Variants in MYPN observed in about 807,000 individuals in gnomAD.
MYPN encodes the protein myopalladin.
A neutral mutation model predicts 129.4 loss-of-function variants in MYPN; 63 were observed. The ratio of observed to expected loss-of-function variants is 0.49; its 90% confidence interval spans 0.40 to 0.60. The LOEUF is 0.60. Ranked by LOEUF, MYPN falls within the 20% of genes least tolerant of loss-of-function variation. The pLI, the probability that MYPN is intolerant of heterozygous loss-of-function variation, is 0.00. For synonymous variants in MYPN, 629 were observed against 600.9 expected, an observed-to-expected ratio of 1.05 and a Z score of -0.68; for missense variants, 1,596 against 1,635.4, an observed-to-expected ratio of 0.98 and a Z score of 0.42.
In MYPN at chr10:68,143,005, T is replaced by C; in HGVS notation, c.968T>C (p.Leu323Pro). 6.2e-7 allele frequency: 1 copy of C among 1,614,182 alleles called. No homozygotes were observed. Among genetic ancestry groups the C allele is most frequent in the Non-Finnish European group, 8.5e-7 (1 of 1,180,014 alleles). ...PDIHIVQAGN[L>P]HSLTIAEAFE... ...ATTCACATCGTCCAGGCAGGAAATCTGCACTCACTGACCATTGCGGAAGCC... is the reference window on the plus strand; with the variant it reads ...ATTCACATCGTCCAGGCAGGAAATCCGCACTCACTGACCATTGCGGAAGCC... Residue 323 changes from leucine to proline, a missense_variant, in exon 3 of 20, where the codon CTG becomes CCG. Leu to Pro is a moderately conservative substitution (Grantham distance 98). Transcript: ENST00000358913.
chr10:68,136,781 T>C, intron 2 of MYPN: 1 of 1,493,724 alleles, frequency 6.7e-7, no homozygotes, highest in Non-Finnish European at 9.0e-7. Flanking sequence ...CTATAATGTT[T>C]GTATAATGGA....
intron 12 of MYPN, among the ~76,000 whole-genome samples, chr10:68,182,462 T>A (rs1291627825): frequency 2.2e-5 from 2 of 91,960 alleles, no homozygotes; most frequent in East Asian, 5.2e-4. Context: ...CATATATATA[T>A]AACATATATA....
intron 17 of MYPN, 132 bp downstream of exon 17, chr10:68,199,707 A>G (rs1284074467): frequency 6.7e-6 from 6 of 891,798 alleles, no homozygotes; most frequent in Middle Eastern, 4.8e-4. Flanking sequence ...TCACTGTGGT[A>G]GGGGTGGTAT....
At chr10:68,154,489 G>A (rs1300704310) in intron 6 of MYPN, among the ~76,000 whole-genome samples, 3 of 152,188 alleles carry the variant, frequency 2.0e-5, no homozygotes, top group African/African-American at 4.8e-5. Context: ...GAGTTCATGG[G>A]CCCCTCTCCC....
intron 1 of MYPN, among the ~76,000 whole-genome samples, chr10:68,094,872 G>A (rs908361984): frequency 1.3e-5 from 2 of 152,062 alleles, no homozygotes; most frequent in Non-Finnish European, 2.9e-5. Flanking sequence ...GACCAGTCTG[G>A]CCAACATAGT....
intron 1 of MYPN, among the ~76,000 whole-genome samples, chr10:68,110,355 C>T (rs929416059): frequency 1.3e-5 from 2 of 152,058 alleles, no homozygotes; most frequent in African/African-American, 2.4e-5. Context: ...TGGTACATTG[C>T]ACTATTAGCA....
intron 12 of MYPN, among the ~76,000 whole-genome samples, chr10:68,182,741 CAG>C (rs2043358020): frequency 6.6e-6 from 1 of 151,998 alleles, no homozygotes; most frequent in Admixed American, 6.6e-5. Flanking sequence ...CTCCTGACCT[CAG>C]GTGATCCACC....
At chr10:68,162,400 T>G (rs773601971) in intron 8 of MYPN, among the ~76,000 whole-genome samples, 4 of 152,210 alleles carry the variant, frequency 2.6e-5, no homozygotes, top group Non-Finnish European at 4.4e-5. Context: ...CAATTTCATT[T>G]CCATAGCCTA....
upstream of MYPN, among the ~76,000 whole-genome samples, chr10:68,103,177 T>C (rs1175394017): frequency 2.6e-5 from 4 of 152,230 alleles, no homozygotes; most frequent in Admixed American, 6.5e-5. Flanking sequence ...TAGATTCATA[T>C]GCAAATAAAA....
intron 6 of MYPN, among the ~76,000 whole-genome samples, chr10:68,155,319 G>A (rs1310769998): frequency 7.2e-5 from 11 of 152,132 alleles, no homozygotes; most frequent in Non-Finnish European, 8.8e-5. Context: ...ATGTCAAATG[G>A]CCATGGAAGA....
intron 12 of MYPN, among the ~76,000 whole-genome samples, chr10:68,184,863 G>A (rs2043395419): frequency 6.6e-6 from 1 of 152,156 alleles, no homozygotes; most frequent in Non-Finnish European, 1.5e-5. Context: ...AGTGGGGGCT[G>A]GAAATGGGAG....
At chr10:68,175,716 A>T (rs2043218068) in intron 12 of MYPN, among the ~76,000 whole-genome samples, 1 of 152,164 alleles carries the variant, frequency 6.6e-6, no homozygotes, top group Non-Finnish European at 1.5e-5. Flanking sequence ...AGAAGAGAGT[A>T]GACAATCTAT....
At chr10:68,204,350 C>T (rs988377475) in intron 18 of MYPN, among the ~76,000 whole-genome samples, 1 of 152,228 alleles carries the variant, frequency 6.6e-6, no homozygotes, top group African/African-American at 2.4e-5. Flanking sequence ...ACAGCAATAG[C>T]ACCCTAATGT....
chr10:68,156,420 C>T (rs1371728075), intron 6 of MYPN, among the ~76,000 whole-genome samples: 1 of 152,094 alleles, frequency 6.6e-6, no homozygotes, highest in Non-Finnish European at 1.5e-5. Context: ...GTAGATGTTT[C>T]GGGAAGACAA....
At chr10:68,171,882 T>A (rs763218042) in intron 10 of MYPN, among the ~76,000 whole-genome samples, 1 of 152,230 alleles carries the variant, frequency 6.6e-6, no homozygotes, top group Non-Finnish European at 1.5e-5. Context: ...TCAAAGCCAG[T>A]GAACTGGCTC....
Position 68,208,096 on chromosome 10 carries a change from T to A in MYPN, c.3793+1193T>A, listed in dbSNP as rs2043846637. On this transcript the variant is annotated intron_variant, in intron 19 of 19. Transcript: ENST00000358913. Reference sequence around the variant, plus strand: ...ATTTATGTATTTGTGTGCTCAATCCTACACTTTTTGACATTAACTGGTATT... The same window carrying A: ...ATTTATGTATTTGTGTGCTCAATCCAACACTTTTTGACATTAACTGGTATT... Among the ~76,000 whole-genome samples the A allele has an allele frequency of 2.0e-5, 3 of 152,384 alleles. 1 individual carries two copies. The South Asian group carries it at 6.2e-4, about 32-fold the overall frequency.
At chr10:68,118,877 TGAAGGAAG>T (rs10661735) in intron 1 of MYPN, among the ~76,000 whole-genome samples, 1,538 of 122,500 alleles carry the variant, frequency 0.013, 17 homozygotes, top group African/African-American at 0.028. Flanking sequence ...AAAAGAGTGA[TGAAGGAAG>T]GAAGGAAGGA....
intron 19 of MYPN, 72 bp downstream of exon 19, chr10:68,206,975 G>GGGT: frequency 6.3e-7 from 1 of 1,576,088 alleles, no homozygotes; most frequent in Non-Finnish European, 8.6e-7. Flanking sequence ...AAAGATAAAT[G>GGGT]GGTCAGGCAA....
Position 68,211,437 on chromosome 10 carries a change from C to T in MYPN, c.*982C>T, listed in dbSNP as rs933997400. The T allele has an allele frequency of 4.4e-6, 2 of 453,950 alleles. No individual in the cohort carries two copies. The highest frequency in any genetic ancestry group is 4.7e-5 in the Admixed American group (2 of 42,548). The allele number at this position is 453,950 out of a possible 1,614,324, so 28.1% of individuals were successfully genotyped here. Reference sequence around the variant, plus strand: ...AGAGTGTTGTTTTTGTCACTTGCCCCAGCAGAGCAGGGGTTTTGGAAGGAG... The same window carrying T: ...AGAGTGTTGTTTTTGTCACTTGCCCTAGCAGAGCAGGGGTTTTGGAAGGAG... On this transcript the variant is annotated 3_prime_UTR_variant, in exon 20 of 20. Transcript: ENST00000358913.
Sources: gnomAD v4.1 joint callset for allele counts (sites outside exome capture counted in the v4.1 genomes callset) on GRCh38, gnomAD v4.1.1 for gene constraint, MANE v1.5 for transcripts, NCBI Gene and HGNC (gene_info 2026-07-23, HGNC 2026-07-21) for gene names.